CCDC73: variants seen among roughly 807,000 people sequenced by gnomAD.
The protein encoded by CCDC73 is coiled-coil domain-containing protein 73.
CCDC73 carries 95 observed loss-of-function variants against 116.5 expected under a neutral mutation model. That is an observed-to-expected ratio of 0.82 (90% confidence interval 0.69 to 0.97). The LOEUF (loss-of-function observed/expected upper bound fraction) is 0.97, where lower values mean the gene tolerates loss of function less well. Among genes scored for constraint, CCDC73 ranks in the 50% least tolerant of loss-of-function variants. CCDC73 has a pLI of 0.00. For missense variants in CCDC73, 1,066 were observed against 1,206.8 expected (o/e 0.88, Z 1.73); for synonymous variants, 398 against 401.3 (o/e 0.99, Z 0.10).
intron 14 of CCDC73, 119 bp downstream of exon 14, chr11:32,635,577 T>G (rs1855669688): frequency 1.1e-6 from 1 of 884,340 alleles, no homozygotes; most frequent in Non-Finnish European, 1.5e-6. Context: ...TTAGAGACCA[T>G]ATGCATATAC....
At chr11:32,674,111 A>G (rs1053724239) in intron 9 of CCDC73, among the ~76,000 whole-genome samples, 1 of 152,238 alleles carries the variant, frequency 6.6e-6, no homozygotes, top group African/African-American at 2.4e-5. Flanking sequence ...TGCAACCCAT[A>G]TACATAAGCC....
chr11:32,809,956 G>T, the CCDC73 span, among the ~76,000 whole-genome samples: 1 of 152,186 alleles, frequency 6.6e-6, no homozygotes, highest in African/African-American at 2.4e-5. Flanking sequence ...CATCTGCTGT[G>T]CTTCAGACAT....
At chr11:32,657,556 G>A (rs1396702022) in intron 9 of CCDC73, among the ~76,000 whole-genome samples, 2 of 152,058 alleles carry the variant, frequency 1.3e-5, no homozygotes, top group Admixed American at 6.6e-5. Flanking sequence ...ACTGCTCTGT[G>A]CCCTATGTGG....
At chr11:32,675,820 C>A in intron 8 of CCDC73, 66 bp downstream of exon 8, 1 of 1,341,828 alleles carries the variant, frequency 7.5e-7, no homozygotes, top group Non-Finnish European at 1.0e-6. Flanking sequence ...TCAATGTATT[C>A]ATAGTAAATA....
chr11:32,755,536 A>AT (rs1850325554), intron 2 of CCDC73, among the ~76,000 whole-genome samples: 4 of 59,928 alleles, frequency 6.7e-5, no homozygotes, highest in African/African-American at 2.5e-4. Context: ...TCCATCTCAA[A>AT]ATATATATAT....
intron 14 of CCDC73, among the ~76,000 whole-genome samples, chr11:32,617,076 T>C (rs1855480880): frequency 6.6e-6 from 1 of 152,196 alleles, no homozygotes. Flanking sequence ...TTTATGGAAC[T>C]ATGAGTGATT....
At chr11:32,664,074 C>T (rs1159715659) in intron 9 of CCDC73, among the ~76,000 whole-genome samples, 1 of 152,118 alleles carries the variant, frequency 6.6e-6, no homozygotes, top group Non-Finnish European at 1.5e-5. Flanking sequence ...CTGCTGGATT[C>T]GGTTTGCCAC....
chr11:32,778,406 T>G (rs1470603147), intron 1 of CCDC73, among the ~76,000 whole-genome samples: 1 of 152,246 alleles, frequency 6.6e-6, no homozygotes, highest in African/African-American at 2.4e-5. Context: ...TTTGTTTTCT[T>G]GTTTAATTTA....
rs775957316 is a variant in CCDC73 at position 32,614,662 on chromosome 11, T to C, written c.1656A>G (p.Leu552=). ...DTAIETEKIH[L]ERTRGLDVHH... ...GAACATCTAATCCTCTGGTTCTTTC[T>C]AGATGTATTTTTTCTGTTTCTATTG... is the stretch of plus-strand genomic sequence containing the variant. Residue 552 remains leucine (L), a synonymous_variant, in exon 16 of 18, where the codon CTA becomes CTG. Coordinates refer to ENST00000335185, the MANE Select transcript of CCDC73 (RefSeq NM_001008391.4). The C allele has an allele frequency of 2.5e-5, 40 of 1,613,132 alleles. No individual in the cohort carries two copies. The highest frequency in any genetic ancestry group is 3.1e-5 in the Non-Finnish European group (37 of 1,179,494).
At chr11:32,736,943 T>C in intron 2 of CCDC73, among the ~76,000 whole-genome samples, 1 of 149,790 alleles carries the variant, frequency 6.7e-6, no homozygotes, top group Middle Eastern at 3.5e-3. Flanking sequence ...TTCTCACATA[T>C]ATATATATAT....
At chr11:32,754,855 G>C (rs934131237) in intron 2 of CCDC73, among the ~76,000 whole-genome samples, 10 of 146,690 alleles carry the variant, frequency 6.8e-5, no homozygotes, top group Non-Finnish European at 1.0e-4. Flanking sequence ...CCAGTTTCCA[G>C]AGTACACAGA....
intron 7 of CCDC73, chr11:32,682,131 G>GT (rs1316480313): frequency 4.0e-5 from 6 of 151,520 alleles, no homozygotes; most frequent in African/African-American, 1.5e-4. Context: ...TTTAAAGATT[G>GT]TAAGTATCTG....
chr11:32,666,487 C>T (rs747437927), intron 9 of CCDC73, among the ~76,000 whole-genome samples: 3 of 152,202 alleles, frequency 2.0e-5, no homozygotes, highest in Non-Finnish European at 4.4e-5. Context: ...ATGTAGTTCT[C>T]GTGCCGTGGT....
intron 9 of CCDC73, among the ~76,000 whole-genome samples, chr11:32,665,512 T>C (rs1337740363): frequency 9.2e-5 from 14 of 152,228 alleles, no homozygotes; most frequent in Non-Finnish European, 1.5e-5. Context: ...ATTTGCTTGG[T>C]AGATCTTCCT....
chr11:32,764,740 C>T (rs775326340), intron 1 of CCDC73, among the ~76,000 whole-genome samples: 1 of 152,128 alleles, frequency 6.6e-6, no homozygotes. Flanking sequence ...ATCATAATGA[C>T]AGGATCAAAT....
At chr11:32,701,121 A>G (rs1462733038) in intron 4 of CCDC73, among the ~76,000 whole-genome samples, 5 of 152,164 alleles carry the variant, frequency 3.3e-5, no homozygotes, top group Non-Finnish European at 5.9e-5. Flanking sequence ...TCTCCCAAGT[A>G]GCTGAGACTA....
chr11:32,665,174 C>A (rs1463266554), intron 9 of CCDC73, among the ~76,000 whole-genome samples: 1 of 152,148 alleles, frequency 6.6e-6, no homozygotes, highest in Non-Finnish European at 1.5e-5. Flanking sequence ...TCTATTAGGT[C>A]CGCTTGGTGC....
At chr11:32,730,969 G>T (rs571217181) in intron 2 of CCDC73, among the ~76,000 whole-genome samples, 1 of 152,296 alleles carries the variant, frequency 6.6e-6, no homozygotes, top group South Asian at 2.1e-4. Flanking sequence ...CCAAAGCAGG[G>T]CGAGGCATCA....
At chr11:32,795,521 A>C (rs1850718789), upstream of CCDC73, among the ~76,000 whole-genome samples, 1 of 152,094 alleles carries the variant, frequency 6.6e-6, no homozygotes, top group African/African-American at 2.4e-5. Flanking sequence ...AATAGAAAAA[A>C]AACTGCAGTT....
Sources: allele counts gnomAD v4.1 joint callset (sites outside exome capture counted in the v4.1 genomes callset), GRCh38; gene constraint gnomAD v4.1.1; transcripts MANE v1.5; gene names NCBI Gene and HGNC (gene_info 2026-07-23, HGNC 2026-07-21).